ZDHHC3: variants seen among roughly 807,000 people sequenced by gnomAD.
The protein encoded by ZDHHC3 is zDHHC palmitoyltransferase 3.
In ZDHHC3, 9 loss-of-function variants were observed where a neutral mutation model predicts 30.6. The ratio of observed to expected loss-of-function variants is 0.29; its 90% confidence interval spans 0.18 to 0.51. ZDHHC3 has a LOEUF of 0.51. ZDHHC3 is among the 20% of genes least tolerant of loss of function. The pLI is 0.97. For missense variants in ZDHHC3, 246 were observed against 384.2 expected (o/e 0.64, Z 3.01); for synonymous variants, 136 against 140.2 (o/e 0.97, Z 0.21).
In ZDHHC3 at chr3:44,923,232, C is replaced by T. The variant is rs923255108; in HGVS notation, c.*3457G>A. ...CTGGGACTACAGACGCCTGCCACCA[C>T]GCCCAGCTAATTTTTTTATATTTTT... On this transcript the variant is annotated 3_prime_UTR_variant, in exon 7 of 7. Transcript: ENST00000424952. 7.1e-5 allele frequency: 59 copies of T among 825,268 alleles called. No individual in the cohort carries two copies. The highest frequency in any genetic ancestry group is 4.4e-4 in the Admixed American group (7 of 16,058). 51.1% of individuals were successfully genotyped at this position (825,268 alleles called of 1,614,324 possible).
intron 1 of ZDHHC3, among the ~76,000 whole-genome samples, chr3:44,960,240 A>G (rs1704353587): frequency 6.6e-6 from 1 of 152,190 alleles, no homozygotes; most frequent in African/African-American, 2.4e-5. Context: ...GGGGTGCTTC[A>G]TGTGCCATTG....
chr3:44,931,593 C>T (rs2125821477), intron 5 of ZDHHC3, among the ~76,000 whole-genome samples: 1 of 152,344 alleles, frequency 6.6e-6, no homozygotes, highest in South Asian at 2.1e-4. Context: ...ATACAGTCAA[C>T]TCTCAGGCCT....
chr3:44,949,559 C>CAAAACA (rs767899934), intron 2 of ZDHHC3, among the ~76,000 whole-genome samples: 4 of 152,092 alleles, frequency 2.6e-5, no homozygotes, highest in South Asian at 2.1e-4. Flanking sequence ...TAAAAACAAG[C>CAAAACA]AAAACAAAAA....
At chr3:44,974,999 T>C (rs1288769842) in intron 1 of ZDHHC3, among the ~76,000 whole-genome samples, 1 of 152,046 alleles carries the variant, frequency 6.6e-6, no homozygotes, top group Non-Finnish European at 1.5e-5. Flanking sequence ...CTATCTATAG[T>C]AGGCTCCCAA....
chr3:44,922,757 G>T lies in ZDHHC3; in HGVS notation c.*3932C>A. 1 of 984,104 alleles carries T rather than the reference G, an allele frequency of 1.0e-6. No individual in the cohort carries two copies. The highest frequency in any genetic ancestry group is 1.2e-6 in the Non-Finnish European group (1 of 828,778). 61.0% of individuals were successfully genotyped at this position (984,104 alleles called of 1,614,324 possible). A position where few individuals can be genotyped will look rare whatever the true frequency, so the allele number is the denominator to read the frequency against. On this transcript the variant is annotated 3_prime_UTR_variant, in exon 7 of 7. Coordinates refer to ENST00000424952, the MANE Select transcript of ZDHHC3 (RefSeq NM_001135179.2). The stretch of plus-strand genomic sequence containing the variant: ...CGCTCGGTTTCTGGTTCGGTAGCCT[G>T]GGGTGGGGACCGAGAATGTGCATTT...
Position 44,959,544 on chromosome 3 carries a change from G to A in ZDHHC3, c.-24-84C>T. On this transcript the variant is annotated intron_variant, in intron 1 of 6. Coordinates refer to ENST00000424952, the MANE Select transcript of ZDHHC3 (RefSeq NM_001135179.2). The surrounding 1 kb of genome is among the most constrained non-coding windows in gnomAD (Gnocchi z 4.3). Reference sequence around the variant, plus strand: ...GACAAAATTGCTCCCATAGTGAGTTGTGATTACTTATCTGCAACCCCTGTG... The same window carrying A: ...GACAAAATTGCTCCCATAGTGAGTTATGATTACTTATCTGCAACCCCTGTG... 2 of 1,228,192 alleles carry A rather than the reference G, an allele frequency of 1.6e-6. No individual in the cohort carries two copies. The highest frequency in any genetic ancestry group is 1.1e-6 in the Non-Finnish European group (1 of 877,406). 76.1% of individuals were successfully genotyped at this position (1,228,192 alleles called of 1,614,324 possible).
At chr3:44,965,598 A>T (rs1295882054) in intron 1 of ZDHHC3, among the ~76,000 whole-genome samples, 2 of 152,162 alleles carry the variant, frequency 1.3e-5, no homozygotes, top group Non-Finnish European at 2.9e-5. Flanking sequence ...AATCCCTACT[A>T]ATCTTTATCA....
chr3:44,975,969 G>T lies in ZDHHC3; in HGVS notation c.-61C>A. The T allele has an allele frequency of 3.5e-6, 1 of 286,528 alleles. No individual in the cohort carries two copies. The highest frequency in any genetic ancestry group is 6.4e-6 in the Non-Finnish European group (1 of 156,050). The allele number at this position is 286,528 out of a possible 1,614,324, so 17.7% of individuals were successfully genotyped here. A position where few individuals can be genotyped will look rare whatever the true frequency, so the allele number is the denominator to read the frequency against. On this transcript the variant is annotated 5_prime_UTR_variant, in exon 1 of 7. Transcript: ENST00000424952. ...AGGCAGTTCCCCAGTCCCAGACCCC[G>T]GTGGGGCTCCCGCCGCCGCCGCCGC...
chr3:44,976,109 GA>G lies in ZDHHC3; in HGVS notation c.-202del. The G allele has an allele frequency of 2.1e-6, 1 of 478,248 alleles. No individual in the cohort carries two copies. The highest frequency in any genetic ancestry group is 3.5e-6 in the Non-Finnish European group (1 of 286,668). The allele number at this position is 478,248 out of a possible 1,614,324, so 29.6% of individuals were successfully genotyped here. On this transcript the variant is annotated 5_prime_UTR_variant, in exon 1 of 7. Coordinates refer to ENST00000424952, the MANE Select transcript of ZDHHC3 (RefSeq NM_001135179.2). ...GCCAGACACCGGGCGGCGCGCAGGA[GA>G]AGCCCATCGAGCTCTCCCGGCAGTG...
At chr3:44,945,702 T>C (rs1020054285) in intron 2 of ZDHHC3, among the ~76,000 whole-genome samples, 8 of 151,850 alleles carry the variant, frequency 5.3e-5, no homozygotes, top group Admixed American at 2.6e-4. Flanking sequence ...GGATTATAGG[T>C]GCTCGCCACC....
In ZDHHC3 at chr3:44,921,623, C is replaced by T; in HGVS notation, c.*5066G>A. On this transcript the variant is annotated 3_prime_UTR_variant, in exon 7 of 7. Coordinates refer to ENST00000424952, the MANE Select transcript of ZDHHC3 (RefSeq NM_001135179.2). Reference sequence around the variant, plus strand: ...CACAGCTAACATTTATAAAGCCATACCAGGGCCAGACGCTATACATTCCTA... The same window carrying T: ...CACAGCTAACATTTATAAAGCCATATCAGGGCCAGACGCTATACATTCCTA... 2.0e-6 allele frequency: 2 copies of T among 984,958 alleles called. No homozygotes were observed. Among genetic ancestry groups the T allele is most frequent in the Non-Finnish European group, 2.4e-6 (2 of 829,500 alleles). 61.0% of individuals were successfully genotyped at this position (984,958 alleles called of 1,614,324 possible). A position where few individuals can be genotyped will look rare whatever the true frequency, so the allele number is the denominator to read the frequency against.
intron 1 of ZDHHC3, among the ~76,000 whole-genome samples, chr3:44,967,501 T>C (rs913717761): frequency 5.3e-5 from 8 of 151,968 alleles, no homozygotes; most frequent in Admixed American, 1.3e-4. Flanking sequence ...CTGGCCAACA[T>C]AGTGAGACCT....
rs1184994633 is a variant in ZDHHC3 at position 44,933,996 on chromosome 3, C to T, written c.432-12G>A. On this transcript the variant is annotated splice_polypyrimidine_tract_variant and intron_variant, in intron 3 of 6. Transcript: ENST00000424952. ...ACCGCTTACAAACACTGAAACAGCC[C>T]ACAGGTCAGACCTTTAGGGCATCCC... 2.5e-6 allele frequency: 4 copies of T among 1,613,948 alleles called. No individual in the cohort carries two copies. Among genetic ancestry groups the T allele is most frequent in the Non-Finnish European group, 2.5e-6 (3 of 1,179,956 alleles).
In ZDHHC3 at chr3:44,917,716, C is replaced by T; in HGVS notation, c.*8973G>A. On this transcript the variant is annotated 3_prime_UTR_variant, in exon 7 of 7. Transcript: ENST00000424952. ...CTGATGTCCCCAGCCTACTCCCGAC[C>T]CCCAGACCTGGCCCAACATGGAGAG... is the stretch of plus-strand genomic sequence containing the variant. 1.5e-6 allele frequency: 1 copy of T among 665,646 alleles called. No homozygotes were observed. The highest frequency in any genetic ancestry group is 2.2e-6 in the Non-Finnish European group (1 of 460,372). The allele number at this position is 665,646 out of a possible 1,614,324, so 41.2% of individuals were successfully genotyped here. A position where few individuals can be genotyped will look rare whatever the true frequency, so the allele number is the denominator to read the frequency against.
Position 44,919,879 on chromosome 3 carries a change from T to A in ZDHHC3, c.*6810A>T. On this transcript the variant is annotated 3_prime_UTR_variant, in exon 7 of 7. Transcript: ENST00000424952. ...TAATCAATAATCTGAGACAAAGATT[T>A]ATGCAATACAAACTTGAACACTGAA... 1 of 1,013,336 alleles carries A rather than the reference T, an allele frequency of 9.9e-7. No homozygotes were observed. The highest frequency in any genetic ancestry group is 1.2e-6 in the Non-Finnish European group (1 of 844,970). 62.8% of individuals were successfully genotyped at this position (1,013,336 alleles called of 1,614,324 possible). A position where few individuals can be genotyped will look rare whatever the true frequency, so the allele number is the denominator to read the frequency against.
At chr3:44,940,845 C>A (rs1255415034) in intron 3 of ZDHHC3, among the ~76,000 whole-genome samples, 3 of 152,210 alleles carry the variant, frequency 2.0e-5, no homozygotes, top group African/African-American at 4.8e-5. Flanking sequence ...CCCAAAGGAG[C>A]TGGCCGAGGC....
intron 1 of ZDHHC3, among the ~76,000 whole-genome samples, chr3:44,960,348 C>T (rs1356000224): frequency 6.6e-6 from 1 of 152,136 alleles, no homozygotes; most frequent in African/African-American, 2.4e-5. Context: ...GAGCTTGTGA[C>T]GAATGATACA....
At position 44,959,067 on chromosome 3, in the gene ZDHHC3, G is replaced by T; in HGVS notation, c.306+64C>A. The T allele has an allele frequency of 6.4e-7, 1 of 1,568,734 alleles. No individual in the cohort carries two copies. The highest frequency in any genetic ancestry group is 2.2e-5 in the East Asian group (1 of 44,562). On this transcript the variant is annotated intron_variant, in intron 2 of 6. Coordinates refer to ENST00000424952, the MANE Select transcript of ZDHHC3 (RefSeq NM_001135179.2). This position sits in a 1 kb window ranked among gnomAD's most constrained non-coding sequence, Gnocchi z 4.3. ...AAGGTCCAGGGGGAACATGCAGGCT[G>T]TGGCCATGCCAGAGCCAGAGGAGGA...
intron 3 of ZDHHC3, among the ~76,000 whole-genome samples, chr3:44,944,591 A>G (rs1702749992): frequency 6.6e-6 from 1 of 152,230 alleles, no homozygotes; most frequent in African/African-American, 2.4e-5. Context: ...CCAATAAAGT[A>G]CAACTTTTAG....
Sources: allele counts gnomAD v4.1 joint callset (sites outside exome capture counted in the v4.1 genomes callset), GRCh38; gene constraint gnomAD v4.1.1; non-coding constraint Gnocchi (gnomAD v3.1); transcripts MANE v1.5; gene names NCBI Gene and HGNC (gene_info 2026-07-23, HGNC 2026-07-21).